PDZRN3: variants seen among roughly 807,000 people sequenced by gnomAD.
The protein encoded by PDZRN3 is PDZ domain containing ring finger 3.
Under a neutral mutation model 85.7 loss-of-function variants are expected in PDZRN3, and 38 were observed. That is an observed-to-expected ratio of 0.44 (90% CI 0.34 to 0.58). The LOEUF is 0.58. Ranked by LOEUF, PDZRN3 falls within the 20% of genes least tolerant of loss-of-function variation. The pLI is 0.01. For synonymous variants in PDZRN3, 759 were observed against 638.0 expected (o/e 1.19, Z -2.86); for missense variants, 1,629 against 1,506.4 (o/e 1.08, Z -1.35).
At chr3:73,479,536 G>C (rs892476586) in intron 3 of PDZRN3, among the ~76,000 whole-genome samples, 1 of 152,202 alleles carries the variant, frequency 6.6e-6, no homozygotes, top group Non-Finnish European at 1.5e-5. Context: ...ACCCTTCATC[G>C]GTGCATGGCT....
At chr3:73,615,399 C>T (rs1280352441) in intron 1 of PDZRN3, among the ~76,000 whole-genome samples, 1 of 152,222 alleles carries the variant, frequency 6.6e-6, no homozygotes, top group Admixed American at 6.5e-5. Context: ...GTTACAGCAT[C>T]TTAACACTTC....
At chr3:73,508,782 C>G (rs941046847) in intron 3 of PDZRN3, among the ~76,000 whole-genome samples, 1 of 152,114 alleles carries the variant, frequency 6.6e-6, no homozygotes, top group Non-Finnish European at 1.5e-5. Flanking sequence ...GTATGGCACA[C>G]AAAATTGATA....
At chr3:73,594,140 C>T (rs1481695250) in intron 3 of PDZRN3, 1 of 151,854 alleles carries the variant, frequency 6.6e-6, no homozygotes, top group Non-Finnish European at 1.5e-5. Context: ...ATAACAAAGC[C>T]CATATACCAC....
At chr3:73,416,177 G>C (rs1702078356) in intron 3 of PDZRN3, among the ~76,000 whole-genome samples, 1 of 151,986 alleles carries the variant, frequency 6.6e-6, no homozygotes, top group Non-Finnish European at 1.5e-5. Context: ...GACAGGAAGG[G>C]TAGCCCTCCC....
At chr3:73,457,460 G>C (rs1459794637) in intron 3 of PDZRN3, among the ~76,000 whole-genome samples, 1 of 152,060 alleles carries the variant, frequency 6.6e-6, no homozygotes, top group African/African-American at 2.4e-5. Flanking sequence ...GTGGAGAATG[G>C]CCCAATATGG....
In PDZRN3 at chr3:73,516,996, T is replaced by G. The variant is rs1704268112; in HGVS notation, c.918+85358A>C. Among the ~76,000 whole-genome samples, 5 of 152,294 alleles carry G rather than the reference T, an allele frequency of 3.3e-5. No individual in the cohort carries two copies. In the South Asian group the frequency reaches 1.0e-3, roughly 32 times the overall value. On this transcript the variant is annotated intron_variant, in intron 3 of 9. Transcript: ENST00000263666. ...GCCATGCTGAAGTTTTGGTGGCCCC[T>G]CCTCAATCCCAGTAACCCAAATTCC...
intron 1 of PDZRN3, among the ~76,000 whole-genome samples, chr3:73,613,610 G>A (rs1180913739): frequency 6.6e-6 from 1 of 152,118 alleles, no homozygotes; most frequent in Non-Finnish European, 1.5e-5. Flanking sequence ...AATGGAAATG[G>A]AGTGGCACCT....
At chr3:73,528,235 C>T (rs1704570518) in intron 3 of PDZRN3, among the ~76,000 whole-genome samples, 1 of 152,202 alleles carries the variant, frequency 6.6e-6, no homozygotes, top group South Asian at 2.1e-4. Context: ...TTCCAACGCC[C>T]AGTCCTGCTT....
intron 3 of PDZRN3, among the ~76,000 whole-genome samples, chr3:73,531,876 C>A (rs1704664411): frequency 6.6e-6 from 1 of 152,214 alleles, no homozygotes; most frequent in Admixed American, 6.5e-5. Context: ...ACGGAAGCAG[C>A]CACTTTCAGC....
chr3:73,497,234 A>G (rs898592022), intron 3 of PDZRN3, among the ~76,000 whole-genome samples: 4 of 152,290 alleles, frequency 2.6e-5, no homozygotes, highest in African/African-American at 9.6e-5. Context: ...AAAAATGTAC[A>G]TTTGGAGAGC....
At chr3:73,508,933 T>C (rs1575698740) in intron 3 of PDZRN3, among the ~76,000 whole-genome samples, 1 of 152,186 alleles carries the variant, frequency 6.6e-6, no homozygotes, top group South Asian at 2.1e-4. Flanking sequence ...ATTTATATAT[T>C]ATGCCTATGG....
At chr3:73,447,230 C>T (rs900611168) in intron 3 of PDZRN3, among the ~76,000 whole-genome samples, 3 of 152,008 alleles carry the variant, frequency 2.0e-5, no homozygotes, top group African/African-American at 7.3e-5. Flanking sequence ...TCTGCCCTCC[C>T]TTCAGTTGCA....
intron 3 of PDZRN3, among the ~76,000 whole-genome samples, chr3:73,430,007 C>T (rs536002029): frequency 8.5e-5 from 13 of 152,272 alleles, no homozygotes; most frequent in Middle Eastern, 3.4e-3. Context: ...GAAACTGACC[C>T]GCAGGTTCCC....
At chr3:73,417,251 T>C (rs1225750491) in intron 3 of PDZRN3, among the ~76,000 whole-genome samples, 1 of 152,226 alleles carries the variant, frequency 6.6e-6, no homozygotes, top group Non-Finnish European at 1.5e-5. Context: ...GGTGATTTTC[T>C]TCATTTTCAT....
At position 73,517,413 on chromosome 3, in the gene PDZRN3, T is replaced by C. The variant is rs1172439541; in HGVS notation, c.918+84941A>G. ...ATGTGAAAGAGCTCTCAACAAAACATTGCATAATTATCGAGAGCTCTTTGG... is the reference window on the plus strand; with the variant it reads ...ATGTGAAAGAGCTCTCAACAAAACACTGCATAATTATCGAGAGCTCTTTGG... On this transcript the variant is annotated intron_variant, in intron 3 of 9. Coordinates refer to ENST00000263666, the MANE Select transcript of PDZRN3 (RefSeq NM_015009.3). Among the ~76,000 whole-genome samples, 10 of 152,296 alleles carry C rather than the reference T, an allele frequency of 6.6e-5. No homozygotes were observed. The East Asian group carries it at 7.7e-4, about 12-fold the overall frequency.
chr3:73,441,183 G>C (rs13087694), intron 3 of PDZRN3, among the ~76,000 whole-genome samples: 12,665 of 152,108 alleles, frequency 0.083, 591 homozygotes, highest in Middle Eastern at 0.17. Flanking sequence ...GGGAGGCCGA[G>C]GCGGGCAGAT....
intron 3 of PDZRN3, among the ~76,000 whole-genome samples, chr3:73,482,539 T>C (rs979529145): frequency 1.3e-5 from 2 of 152,236 alleles, no homozygotes; most frequent in South Asian, 2.1e-4. Context: ...TTTGTTGTTA[T>C]TATTGTATTT....
intron 3 of PDZRN3, among the ~76,000 whole-genome samples, chr3:73,574,383 C>A (rs1702087376): frequency 6.7e-6 from 1 of 148,354 alleles, no homozygotes; most frequent in Admixed American, 6.9e-5. Flanking sequence ...TAGCCACTCC[C>A]CTCACAACAC....
At chr3:73,462,539 T>C (rs1244207782) in intron 3 of PDZRN3, among the ~76,000 whole-genome samples, 2 of 77,854 alleles carry the variant, frequency 2.6e-5, no homozygotes, top group Non-Finnish European at 5.6e-5. Context: ...TGAGACTCCG[T>C]CTCAAAAAAA....
Sources: allele counts gnomAD v4.1 joint callset (sites outside exome capture counted in the v4.1 genomes callset), GRCh38; gene constraint gnomAD v4.1.1; transcripts MANE v1.5; gene names NCBI Gene and HGNC (gene_info 2026-07-23, HGNC 2026-07-21).